Variants in SMYD3 observed in about 807,000 individuals in gnomAD.
The protein encoded by SMYD3 is histone-lysine N-methyltransferase SMYD3.
A neutral mutation model predicts 57.7 loss-of-function variants in SMYD3; 36 were observed. That is an observed-to-expected ratio of 0.62 (90% CI 0.48 to 0.82). The LOEUF (loss-of-function observed/expected upper bound fraction) is 0.82. Among genes scored for constraint, SMYD3 ranks in the 40% least tolerant of loss-of-function variants. The pLI, the probability that SMYD3 is intolerant of heterozygous loss-of-function variation, is 0.00. For missense variants in SMYD3, 515 were observed against 538.8 expected, an observed-to-expected ratio of 0.96 and a Z score of 0.44; for synonymous variants, 211 against 195.0, an observed-to-expected ratio of 1.08 and a Z score of -0.68.
intron 1 of SMYD3, among the ~76,000 whole-genome samples, chr1:246,418,758 C>A (rs1034997779): frequency 2.2e-4 from 34 of 152,186 alleles, no homozygotes; most frequent in Non-Finnish European, 4.7e-4. Context: ...CCACGTCGTT[C>A]TGCTGGCCGA....
chr1:246,364,422 G>A (rs2066063949), intron 1 of SMYD3, among the ~76,000 whole-genome samples: 1 of 152,102 alleles, frequency 6.6e-6, no homozygotes, highest in East Asian at 1.9e-4. Context: ...ACAGTACGAA[G>A]CTCTTTACAT....
intron 5 of SMYD3, among the ~76,000 whole-genome samples, chr1:246,086,171 A>G (rs543626246): frequency 1.6e-4 from 25 of 152,088 alleles, no homozygotes; most frequent in Admixed American, 7.9e-4. Flanking sequence ...TTATATGGAC[A>G]CCCCACCACA....
chr1:245,985,716 C>T (rs1192245105), intron 5 of SMYD3, among the ~76,000 whole-genome samples: 1 of 152,184 alleles, frequency 6.6e-6, no homozygotes, highest in Non-Finnish European at 1.5e-5. Context: ...ACACCAAAAA[C>T]TAGTTAATGA....
chr1:245,760,909 C>A (rs1021638575), intron 11 of SMYD3, among the ~76,000 whole-genome samples: 1 of 152,102 alleles, frequency 6.6e-6, no homozygotes, highest in Admixed American at 6.5e-5. Flanking sequence ...GGCAAGCACA[C>A]TCTCCCGCAT....
At chr1:246,364,949 C>G (rs908729240) in intron 1 of SMYD3, among the ~76,000 whole-genome samples, 2 of 152,086 alleles carry the variant, frequency 1.3e-5, no homozygotes, top group Admixed American at 6.5e-5. Flanking sequence ...AAGGATAGTT[C>G]AGACAAATAT....
chr1:245,999,491 G>C (rs973831784), intron 5 of SMYD3, among the ~76,000 whole-genome samples: 4 of 152,040 alleles, frequency 2.6e-5, no homozygotes. Context: ...CACAGAGCAA[G>C]ACATGGCAAA....
intron 5 of SMYD3, among the ~76,000 whole-genome samples, chr1:246,056,759 T>C (rs568542535): frequency 6.7e-6 from 1 of 148,598 alleles, no homozygotes; most frequent in Non-Finnish European, 1.5e-5. Context: ...CATAAATACA[T>C]GTAAACTAAA....
chr1:245,858,635 T>C lies in SMYD3; in HGVS notation c.937A>G (p.Ile313Val), dbSNP rs2051377780. ...GGAAGCCGTTCAGAATTGCTGCTTA[T>C]GATTGCCTGGCACATGGCCAGAACC... ...EQVLAMCQAIISSNSERLPDI... is the reference protein window; with the variant it reads ...EQVLAMCQAIVSSNSERLPDI... Residue 313 changes from isoleucine (I) to valine (V), a missense_variant, in exon 10 of 12, where the codon ATA (isoleucine) becomes GTA (valine). Coordinates refer to ENST00000490107, the MANE Select transcript of SMYD3 (RefSeq NM_001167740.2). The C allele has an allele frequency of 1.2e-6, 2 of 1,614,124 alleles. No homozygotes were observed. Among genetic ancestry groups the C allele is most frequent in the South Asian group, 1.1e-5 (1 of 91,090 alleles).
At chr1:246,102,287 T>G (rs747986904) in intron 5 of SMYD3, among the ~76,000 whole-genome samples, 1 of 152,148 alleles carries the variant, frequency 6.6e-6, no homozygotes, top group Non-Finnish European at 1.5e-5. Flanking sequence ...TCCCCAATAT[T>G]GCTGCTCTAG....
intron 1 of SMYD3, among the ~76,000 whole-genome samples, chr1:246,497,328 G>T (rs2068378709): frequency 2.0e-5 from 3 of 152,208 alleles, no homozygotes; most frequent in African/African-American, 4.8e-5. Flanking sequence ...TAACTTGTTT[G>T]CCCTTTTTTG....
At chr1:246,317,270 A>G (rs555480966) in intron 5 of SMYD3, among the ~76,000 whole-genome samples, 1 of 152,382 alleles carries the variant, frequency 6.6e-6, no homozygotes, top group African/African-American at 2.4e-5. Context: ...ATGTAAACCG[A>G]CAGAACCAAT....
chr1:246,369,614 C>T (rs1172266786), intron 1 of SMYD3, among the ~76,000 whole-genome samples: 1 of 152,132 alleles, frequency 6.6e-6, no homozygotes, highest in African/African-American at 2.4e-5. Flanking sequence ...GAAGCCTCTA[C>T]CTCCCAGGCT....
chr1:246,441,746 A>G (rs534066068), intron 1 of SMYD3, among the ~76,000 whole-genome samples: 22 of 152,258 alleles, frequency 1.4e-4, no homozygotes, highest in African/African-American at 4.6e-4. Flanking sequence ...CAAGTAGCCG[A>G]GACCACAGGC....
At chr1:246,244,804 A>G (rs1190091112) in intron 5 of SMYD3, among the ~76,000 whole-genome samples, 1 of 152,184 alleles carries the variant, frequency 6.6e-6, no homozygotes, top group Non-Finnish European at 1.5e-5. Context: ...ATCTTCTTTT[A>G]CTATCTGGCT....
chr1:246,199,778 A>G (rs1488301304), intron 5 of SMYD3, among the ~76,000 whole-genome samples: 1 of 152,264 alleles, frequency 6.6e-6, no homozygotes, highest in Non-Finnish European at 1.5e-5. Context: ...CTAGAAGAGA[A>G]CAGCATAGAT....
At chr1:245,821,138 T>C (rs2148338874) in intron 10 of SMYD3, among the ~76,000 whole-genome samples, 1 of 150,206 alleles carries the variant, frequency 6.7e-6, no homozygotes, top group Middle Eastern at 3.4e-3. Flanking sequence ...GCTACCTGAC[T>C]TCAAACTATA....
chr1:246,047,066 G>C (rs906143904), intron 5 of SMYD3, among the ~76,000 whole-genome samples: 1 of 152,132 alleles, frequency 6.6e-6, no homozygotes, highest in South Asian at 2.1e-4. Flanking sequence ...AAAATGTCAT[G>C]CTTTCTAAAC....
At chr1:246,495,242 G>A (rs943427516) in intron 1 of SMYD3, among the ~76,000 whole-genome samples, 30 of 151,236 alleles carry the variant, frequency 2.0e-4, no homozygotes, top group Non-Finnish European at 3.5e-4. Context: ...CCAGCTACTC[G>A]GGAGGCTGAG....
chr1:246,196,990 T>C (rs373913469), intron 5 of SMYD3, among the ~76,000 whole-genome samples: 64 of 140,392 alleles, frequency 4.6e-4, no homozygotes, highest in African/African-American at 1.7e-3. Context: ...GAGGAGGTGC[T>C]AAAGAAAAAA....
Sources: gnomAD v4.1 joint callset for allele counts (sites outside exome capture counted in the v4.1 genomes callset) on GRCh38, gnomAD v4.1.1 for gene constraint, MANE v1.5 for transcripts, NCBI Gene and HGNC (gene_info 2026-07-23, HGNC 2026-07-21) for gene names.